The following TRRAP variants were observed in gnomAD, a reference collection of about 807,000 sequenced individuals.
TRRAP encodes transformation/transcription domain-associated protein.
Under a neutral mutation model 438.8 loss-of-function variants are expected in TRRAP, and 41 were observed. That is an observed-to-expected ratio of 0.09 (90% confidence interval 0.07 to 0.12). The LOEUF is 0.12. Ranked by LOEUF, TRRAP falls within the 10% of genes least tolerant of loss-of-function variation. The pLI, the probability that TRRAP is intolerant of heterozygous loss-of-function variation, is 1.00. For missense variants in TRRAP, 3,122 were observed against 5,055.1 expected (o/e 0.62, Z 11.60); for synonymous variants, 1,994 against 1,962.9 (o/e 1.02, Z -0.42).
At chr7:98,950,007 G>T in intron 37 of TRRAP, 57 bp from the exon 38 acceptor site, 2 of 1,606,754 alleles carry the variant, frequency 1.2e-6, no homozygotes, top group South Asian at 2.2e-5. Flanking sequence ...AGTCAGAGGC[G>T]TAGTTGTTAA....
At chr7:98,961,217 G>C (rs757424129) in intron 45 of TRRAP, 44 bp from the exon 46 acceptor site, 1 of 1,587,890 alleles carries the variant, frequency 6.3e-7, no homozygotes, top group African/African-American at 1.3e-5. Flanking sequence ...TGTTGTCATT[G>C]AGTGTTTGTT....
intron 35 of TRRAP, 56 bp from the exon 36 acceptor site, chr7:98,949,361 A>G (rs1791226774): frequency 1.4e-6 from 2 of 1,438,286 alleles, no homozygotes; most frequent in Non-Finnish European, 1.8e-6. Context: ...CATATCCTCT[A>G]ACTTTCTGTG....
chr7:98,992,136 G>T lies in TRRAP; in HGVS notation c.9757-1G>T. 1 of 1,614,206 alleles carries T rather than the reference G, an allele frequency of 6.2e-7. No individual in the cohort carries two copies. The highest frequency in any genetic ancestry group is 8.5e-7 in the Non-Finnish European group (1 of 1,180,014). On this transcript the variant is annotated splice_acceptor_variant, in intron 64 of 72. Transcript: ENST00000456197. LOFTEE classifies it high-confidence loss of function. ...GTTTATAACATCTTGTCTCTGAGCA[G>T]GTTGGACGCGTGTATCCCCAAGCGG...
chr7:99,008,987 G>A (rs1454601283), intron 70 of TRRAP, among the ~76,000 whole-genome samples: 4 of 152,184 alleles, frequency 2.6e-5, no homozygotes, highest in African/African-American at 7.2e-5. Flanking sequence ...GTTAGGCGAT[G>A]TGCAGCATGT....
At chr7:98,975,298 A>G (rs1268877863) in intron 53 of TRRAP, among the ~76,000 whole-genome samples, 3 of 152,196 alleles carry the variant, frequency 2.0e-5, no homozygotes, top group Non-Finnish European at 2.9e-5. Context: ...CTGCAGGACA[A>G]ATGAAAGCAT....
At chr7:98,983,170 T>A in intron 59 of TRRAP, 94 bp from the exon 60 acceptor site, 1 of 1,188,260 alleles carries the variant, frequency 8.4e-7, no homozygotes, top group Non-Finnish European at 1.2e-6. Context: ...ATAAGATCTT[T>A]GCGATAATCA....
chr7:98,904,560 C>A (rs1251553083), intron 12 of TRRAP, among the ~76,000 whole-genome samples: 4 of 151,946 alleles, frequency 2.6e-5, no homozygotes, highest in African/African-American at 9.7e-5. Flanking sequence ...TACAAGCTAG[C>A]CCCTTCTGAA....
Position 98,881,261 on chromosome 7 carries a change from C to A in TRRAP, c.100+11C>A. On this transcript the variant is annotated intron_variant, in intron 2 of 72. Coordinates refer to ENST00000456197, the MANE Select transcript of TRRAP (RefSeq NM_001375524.1). ...CAGATGTGAATACACGTGAGTTGAT[C>A]CTTTTTATCATTAAGAAATGCATAA... 1 of 1,583,828 alleles carries A rather than the reference C, an allele frequency of 6.3e-7. No homozygotes were observed. The highest frequency in any genetic ancestry group is 8.6e-7 in the Non-Finnish European group (1 of 1,162,920).
At chr7:98,998,287 A>C (rs912916100) in intron 67 of TRRAP, among the ~76,000 whole-genome samples, 2 of 152,210 alleles carry the variant, frequency 1.3e-5, no homozygotes, top group Non-Finnish European at 2.9e-5. Context: ...CTTTGAGCAC[A>C]TTATAATATT....
At chr7:98,999,498 A>G in intron 67 of TRRAP, 2 of 755,974 alleles carry the variant, frequency 2.6e-6, no homozygotes, top group Non-Finnish European at 2.4e-6. Context: ...TCGTGAGCTC[A>G]GAGGGAGAGA....
At position 98,937,630 on chromosome 7, in the gene TRRAP, C is replaced by T; in HGVS notation, c.4234-20C>T. The T allele has an allele frequency of 1.3e-6, 2 of 1,586,666 alleles. No individual in the cohort carries two copies. The highest frequency in any genetic ancestry group is 1.7e-6 in the Non-Finnish European group (2 of 1,169,490). On this transcript the variant is annotated intron_variant, in intron 29 of 72. Coordinates refer to ENST00000456197, the MANE Select transcript of TRRAP (RefSeq NM_001375524.1). Reference sequence around the variant, plus strand: ...GTCCTCAGTTGTCTATTTTTCTTTACAACTTTTCTTTTTTAATAGTTTTTA... The same window carrying T: ...GTCCTCAGTTGTCTATTTTTCTTTATAACTTTTCTTTTTTAATAGTTTTTA...
rs1792213778 is a variant in TRRAP at position 98,967,612 on chromosome 7, C to T, written c.7426C>T (p.Arg2476Cys). 1.9e-6 allele frequency: 3 copies of T among 1,613,952 alleles called. No homozygotes were observed. The highest frequency in any genetic ancestry group is 2.5e-6 in the Non-Finnish European group (3 of 1,180,036). Reference sequence around the variant, plus strand: ...GGTTTTTGACAACTCCATGAAACGTCGTGTCTACGAGCGCTTGCTCTATGT... The same window carrying T: ...GGTTTTTGACAACTCCATGAAACGTTGTGTCTACGAGCGCTTGCTCTATGT... The part of the protein sequence containing the change: ...FEVFDNSMKR[R>C]VYERLLYVTC... The change falls in exon 51 of 73, where the codon CGT becomes TGT. Residue 2476 changes from arginine (R) to cysteine (C), a missense_variant. Coordinates refer to ENST00000456197, the MANE Select transcript of TRRAP (RefSeq NM_001375524.1).
intron 59 of TRRAP, among the ~76,000 whole-genome samples, chr7:98,982,283 G>C (rs1026824348): frequency 6.6e-6 from 1 of 152,112 alleles, no homozygotes; most frequent in Non-Finnish European, 1.5e-5. Context: ...AGCTTTTGGC[G>C]GGAGCTGGAG....
At chr7:98,900,488 C>T in intron 10 of TRRAP, 136 bp from the exon 11 acceptor site, 1 of 667,040 alleles carries the variant, frequency 1.5e-6, no homozygotes, top group Admixed American at 3.2e-5. Flanking sequence ...GGTGTAGACA[C>T]CTTTGCTATT....
At chr7:98,999,659 A>G (rs1056536426) in intron 67 of TRRAP, 3 of 931,118 alleles carry the variant, frequency 3.2e-6, no homozygotes, top group South Asian at 2.8e-5. Context: ...CTAAGTGTGA[A>G]TGAAGGTGGG....
At chr7:98,917,105 C>A (rs1213856649) in intron 19 of TRRAP, among the ~76,000 whole-genome samples, 1 of 152,042 alleles carries the variant, frequency 6.6e-6, no homozygotes, top group Non-Finnish European at 1.5e-5. Flanking sequence ...AGAGAATAGA[C>A]CTCAACTGTG....
chr7:99,006,409 C>T (rs1403710811), intron 69 of TRRAP, among the ~76,000 whole-genome samples: 1 of 152,148 alleles, frequency 6.6e-6, no homozygotes, highest in Non-Finnish European at 1.5e-5. Flanking sequence ...TCACAGAAAG[C>T]TGTGTATGTT....
chr7:98,950,368 T>A (rs958842319), intron 38 of TRRAP, 106 bp downstream of exon 38: 7 of 1,307,370 alleles, frequency 5.4e-6, no homozygotes, highest in Admixed American at 4.4e-5. Context: ...GAATAAATAG[T>A]AGAGTGAGCC....
At chr7:98,964,930 G>A (rs1219480517) in intron 48 of TRRAP, among the ~76,000 whole-genome samples, 155 bp downstream of exon 48, 1 of 152,142 alleles carries the variant, frequency 6.6e-6, no homozygotes, top group Non-Finnish European at 1.5e-5. Context: ...TCAATGTAGG[G>A]GTTTAAAAAA....
Sources: gnomAD v4.1 joint callset for allele counts (sites outside exome capture counted in the v4.1 genomes callset) on GRCh38, gnomAD v4.1.1 for gene constraint, MANE v1.5 for transcripts, NCBI Gene and HGNC (gene_info 2026-07-23, HGNC 2026-07-21) for gene names.